The following ZNF226 variants were observed in gnomAD, a reference collection of about 807,000 sequenced individuals.
ZNF226 encodes the protein zinc finger protein 226.
ZNF226 carries 6 observed loss-of-function variants against 11.4 expected under a neutral mutation model. The observed-to-expected ratio is 0.53, with a 90% CI of 0.29 to 1.04. ZNF226 has a LOEUF of 1.04. Ranked by LOEUF, ZNF226 falls within the 50% of genes least tolerant of loss-of-function variation. ZNF226 has a pLI of 0.08. For missense variants in ZNF226, 1,058 were observed against 956.5 expected (o/e 1.11, Z -1.40); for synonymous variants, 350 against 322.8 (o/e 1.08, Z -0.90).
At chr19:44,191,876 G>A in the ZNF226 span, among the ~76,000 whole-genome samples, 2 of 152,006 alleles carry the variant, frequency 1.3e-5, no homozygotes, top group African/African-American at 4.8e-5. Flanking sequence ...TTGTTTCCTA[G>A]GCCAGCTATC....
At chr19:44,185,318 A>G in the ZNF226 span, among the ~76,000 whole-genome samples, 1 of 152,080 alleles carries the variant, frequency 6.6e-6, no homozygotes, top group Non-Finnish European at 1.5e-5. Flanking sequence ...TTTTTTGAGG[A>G]GCCTCCATAT....
At chr19:44,196,818 C>G in the ZNF226 span, among the ~76,000 whole-genome samples, 2 of 152,130 alleles carry the variant, frequency 1.3e-5, no homozygotes, top group Non-Finnish European at 2.9e-5. Flanking sequence ...CCTCAATTCT[C>G]AGAAGTCCTA....
the ZNF226 span, among the ~76,000 whole-genome samples, chr19:44,197,103 A>G: frequency 2.0e-5 from 3 of 152,104 alleles, no homozygotes; most frequent in Admixed American, 6.5e-5. Flanking sequence ...TGTTTGTGAG[A>G]TTGAACTATG....
chr19:44,174,821 A>G, intron 5 of ZNF226: 1 of 573,426 alleles, frequency 1.7e-6, no homozygotes, highest in Non-Finnish European at 2.9e-6. Context: ...CAAAAGCCTT[A>G]GAAGGATCCA....
Position 44,177,193 on chromosome 19 carries a change from A to G in ZNF226, c.1931A>G (p.Lys644Arg). ...GTCCACAGTGGAGAAAAACCATTCA[A>G]ATGTGAAGAATGTGGGAAGAGTTTC... ...QRVHSGEKPF[K>R]CEECGKSFGR... is the part of the protein sequence containing the mutation. Residue 644 changes from lysine to arginine, a missense_variant, in exon 6 of 6, where the codon AAA becomes AGA. Physicochemically the swap from Lys to Arg is conservative, Grantham distance 26 (BLOSUM62 2). Transcript: ENST00000337433. The G allele has an allele frequency of 2.5e-6, 4 of 1,613,876 alleles. No homozygotes were observed. Among genetic ancestry groups the G allele is most frequent in the Non-Finnish European group, 3.4e-6 (4 of 1,179,958 alleles).
chr19:44,169,995 T>A, intron 2 of ZNF226, 40 bp from the exon 3 acceptor site: 2 of 1,461,834 alleles, frequency 1.4e-6, no homozygotes, highest in Non-Finnish European at 1.9e-6. Flanking sequence ...ATTAGCAACA[T>A]ACTTACCCAG....
At chr19:44,179,734 G>A (rs1040327243), downstream of ZNF226, among the ~76,000 whole-genome samples, 1 of 152,062 alleles carries the variant, frequency 6.6e-6, no homozygotes, top group African/African-American at 2.4e-5. Context: ...AAATGGCTGG[G>A]CCTTTCTAGG....
chr19:44,175,135 C>A, intron 5 of ZNF226: 1 of 1,533,978 alleles, frequency 6.5e-7, no homozygotes, highest in South Asian at 1.3e-5. Context: ...CTATGAATGA[C>A]TGCCGGGCAG....
At chr19:44,166,122 A>C (rs188143189) in intron 2 of ZNF226, among the ~76,000 whole-genome samples, 77 of 152,346 alleles carry the variant, frequency 5.1e-4, no homozygotes, top group African/African-American at 1.8e-3. Context: ...TGCATGAGCC[A>C]TAGGCAGCTG....
chr19:44,179,389 A>T (rs1456891647), downstream of ZNF226, among the ~76,000 whole-genome samples: 2 of 152,208 alleles, frequency 1.3e-5, no homozygotes, highest in South Asian at 4.1e-4. Context: ...ATAATTTAAA[A>T]AATTACTAGA....
At chr19:44,171,795 C>T (rs1757950381) in intron 3 of ZNF226, among the ~76,000 whole-genome samples, 1 of 152,176 alleles carries the variant, frequency 6.6e-6, no homozygotes, top group African/African-American at 2.4e-5. Context: ...ACTATTGGGA[C>T]TCAATTGGTA....
At chr19:44,170,170 T>C in intron 3 of ZNF226, 75 bp downstream of exon 3, 1 of 1,517,450 alleles carries the variant, frequency 6.6e-7, no homozygotes, top group East Asian at 2.3e-5. Flanking sequence ...GTTTTTCTTT[T>C]TCAAGTAAGA....
At chr19:44,182,531 C>T (rs924592657), downstream of ZNF226, among the ~76,000 whole-genome samples, 1 of 152,170 alleles carries the variant, frequency 6.6e-6, no homozygotes, top group Non-Finnish European at 1.5e-5. Context: ...TATGTAAAGC[C>T]TTACTCAACC....
intron 4 of ZNF226, chr19:44,172,527 G>T: frequency 2.5e-6 from 1 of 401,862 alleles, no homozygotes; most frequent in Non-Finnish European, 4.4e-6. Context: ...AATAAAATAG[G>T]GTAGAAAATA....
rs1418686962 is a variant in ZNF226, at chr19:44,175,501, AG to A, written c.240del (p.Asn82IlefsTer5). On this transcript the variant is annotated frameshift_variant, in exon 6 of 6. Transcript: ENST00000337433. LOFTEE classifies it low-confidence loss of function (END_TRUNC). ...TCTGAATCCTTTGTCCTTACAGGAG[AG>A]AAAAATCAAAGTAAGTTAATTACTG... ...TATRRQGNLG[E>X]KNQSKLITVQ... 6.3e-7 allele frequency: 1 copy of A among 1,578,738 alleles called. No individual in the cohort carries two copies. The highest frequency in any genetic ancestry group is 1.4e-5 in the African/African-American group (1 of 73,346).
intron 4 of ZNF226, 144 bp downstream of exon 4, chr19:44,172,358 G>A (rs977759001): frequency 1.8e-5 from 20 of 1,114,178 alleles, no homozygotes; most frequent in Non-Finnish European, 2.3e-5. Flanking sequence ...TGGTCTTTCT[G>A]AACAGAATAT....
At chr19:44,188,758 C>T in the ZNF226 span, among the ~76,000 whole-genome samples, 1 of 152,048 alleles carries the variant, frequency 6.6e-6, no homozygotes, top group South Asian at 2.1e-4. Context: ...TCTATTTTGT[C>T]TGATATAAAT....
the ZNF226 span, among the ~76,000 whole-genome samples, chr19:44,199,156 C>A: frequency 6.6e-6 from 1 of 152,004 alleles, no homozygotes; most frequent in African/African-American, 2.4e-5. Context: ...ATCAAATCTT[C>A]CTTTGTTGTT....
In ZNF226 at chr19:44,176,248, A is replaced by G. The variant is rs749442815; in HGVS notation, c.986A>G (p.His329Arg). ...GAHLQTHQKV[H>R]VIEKPYKCKQ... ...CATCTACAGACCCATCAGAAAGTCC[A>G]CGTGATAGAGAAACCATACAAATGT... The change falls in exon 6 of 6, where the codon CAC becomes CGC. Residue 329 changes from histidine to arginine, a missense_variant. His to Arg is a conservative substitution (Grantham distance 29, BLOSUM62 0). Transcript: ENST00000337433. 1.2e-6 allele frequency: 2 copies of G among 1,614,216 alleles called. No individual in the cohort carries two copies. The highest frequency in any genetic ancestry group is 8.5e-7 in the Non-Finnish European group (1 of 1,180,036).
Sources: allele counts gnomAD v4.1 joint callset (sites outside exome capture counted in the v4.1 genomes callset), GRCh38; gene constraint gnomAD v4.1.1; transcripts MANE v1.5; gene names NCBI Gene and HGNC (gene_info 2026-07-23, HGNC 2026-07-21).